Variants in EDIL3 observed in about 807,000 individuals in gnomAD.
EDIL3 encodes the protein EGF-like repeat and discoidin I-like domain-containing protein 3.
A neutral mutation model predicts 67.4 loss-of-function variants in EDIL3; 37 were observed. The observed-to-expected ratio is 0.55, with a 90% CI of 0.42 to 0.72. The LOEUF (loss-of-function observed/expected upper bound fraction) is 0.72, where lower values mean the gene tolerates loss of function less well. EDIL3 is among the 30% of genes least tolerant of loss of function. The pLI, the probability that EDIL3 is intolerant of heterozygous loss-of-function variation, is 0.00. For synonymous variants in EDIL3, 195 were observed against 196.3 expected (o/e 0.99, Z 0.05); for missense variants, 527 against 586.3 (o/e 0.90, Z 1.04).
chr5:83,971,890 T>C (rs1383704509), intron 9 of EDIL3, among the ~76,000 whole-genome samples: 1 of 152,142 alleles, frequency 6.6e-6, no homozygotes, highest in East Asian at 1.9e-4. Flanking sequence ...CCTCTGAATA[T>C]AGAAAAGTTA....
At chr5:84,103,246 A>T (rs554670775) in intron 6 of EDIL3, among the ~76,000 whole-genome samples, 1 of 152,066 alleles carries the variant, frequency 6.6e-6, no homozygotes, top group Non-Finnish European at 1.5e-5. Context: ...TTAAATGTAA[A>T]ATCCAAAGCT....
intron 1 of EDIL3, among the ~76,000 whole-genome samples, chr5:84,296,734 T>G (rs1746058406): frequency 6.6e-6 from 1 of 152,178 alleles, no homozygotes. Flanking sequence ...ATCTCTGCCA[T>G]GCCTATGTCC....
intron 1 of EDIL3, among the ~76,000 whole-genome samples, chr5:84,380,456 G>A (rs1399818483): frequency 6.6e-6 from 1 of 152,034 alleles, no homozygotes; most frequent in African/African-American, 2.4e-5. Flanking sequence ...TTTTTACTCA[G>A]TATCCAAATG....
At position 84,180,387 on chromosome 5, in the gene EDIL3, A is replaced by T. The variant is rs772156704; in HGVS notation, c.355+6T>A. On this transcript the variant is annotated splice_donor_region_variant and intron_variant, in intron 4 of 10. Coordinates refer to ENST00000296591, the MANE Select transcript of EDIL3 (RefSeq NM_005711.5). ...AATAAAAGTACAATGACTATGAATA[A>T]CTTACTGTGCTGACAGTGAATCCCA... The T allele has an allele frequency of 1.3e-6, 2 of 1,581,930 alleles. No homozygotes were observed. The highest frequency in any genetic ancestry group is 1.9e-5 in the Admixed American group (1 of 53,076).
chr5:84,001,557 A>G (rs1029435661), intron 9 of EDIL3, among the ~76,000 whole-genome samples: 4 of 151,650 alleles, frequency 2.6e-5, no homozygotes, highest in African/African-American at 9.7e-5. Context: ...CCCACTGCCA[A>G]AAAAAAAGAG....
intron 3 of EDIL3, among the ~76,000 whole-genome samples, chr5:84,222,881 C>A (rs555108038): frequency 1.2e-3 from 182 of 151,840 alleles, no homozygotes; most frequent in African/African-American, 4.1e-3. Context: ...GGATATTAAT[C>A]CCTTACAAGA....
intron 1 of EDIL3, among the ~76,000 whole-genome samples, chr5:84,341,739 T>C (rs1056814982): frequency 6.6e-6 from 1 of 152,074 alleles, no homozygotes; most frequent in Admixed American, 6.6e-5. Flanking sequence ...CTTTAACTCA[T>C]AGTGGAGGAG....
At chr5:84,066,731 T>G (rs1028468367) in intron 6 of EDIL3, 125 bp from the exon 7 acceptor site, 176 of 1,261,008 alleles carry the variant, frequency 1.4e-4, no homozygotes, top group Non-Finnish European at 1.8e-4. Flanking sequence ...CTAATAATTT[T>G]CATGGATAAA....
intron 2 of EDIL3, among the ~76,000 whole-genome samples, chr5:84,252,706 GTA>G (rs2112074567): frequency 6.6e-6 from 1 of 151,868 alleles, no homozygotes; most frequent in South Asian, 2.1e-4. Flanking sequence ...TCTACTAGGG[GTA>G]TTTATGACTC....
intron 3 of EDIL3, among the ~76,000 whole-genome samples, chr5:84,212,876 T>C (rs1458106704): frequency 6.6e-6 from 1 of 152,078 alleles, no homozygotes; most frequent in Non-Finnish European, 1.5e-5. Context: ...TCATTGGTTC[T>C]CTCATTTCCA....
chr5:84,308,884 T>C (rs1022110073), intron 1 of EDIL3, among the ~76,000 whole-genome samples: 5 of 152,212 alleles, frequency 3.3e-5, no homozygotes, highest in African/African-American at 1.2e-4. Flanking sequence ...AATGCAACCT[T>C]ATGATCACGG....
chr5:84,073,112 T>C (rs996594288), intron 6 of EDIL3, among the ~76,000 whole-genome samples: 5 of 152,250 alleles, frequency 3.3e-5, no homozygotes, highest in African/African-American at 4.8e-5. Context: ...ATTATCTCAA[T>C]AGATGCAGAA....
At chr5:84,154,886 G>C (rs1043334554) in intron 4 of EDIL3, among the ~76,000 whole-genome samples, 2 of 151,882 alleles carry the variant, frequency 1.3e-5, no homozygotes, top group Non-Finnish European at 2.9e-5. Context: ...TTTTAGAAGA[G>C]ACGGAGTTTC....
chr5:84,254,748 T>G (rs951517982), intron 1 of EDIL3, among the ~76,000 whole-genome samples: 13 of 152,156 alleles, frequency 8.5e-5, no homozygotes, highest in African/African-American at 3.1e-4. Flanking sequence ...GAGATCGTCA[T>G]GTGAATGAAT....
intron 4 of EDIL3, among the ~76,000 whole-genome samples, chr5:84,168,694 T>G (rs1748756521): frequency 1.3e-5 from 2 of 152,226 alleles, no homozygotes; most frequent in Non-Finnish European, 2.9e-5. Flanking sequence ...ATTTTTCATA[T>G]ACGAACATTG....
intron 4 of EDIL3, among the ~76,000 whole-genome samples, chr5:84,150,632 G>C (rs899958639): frequency 7.2e-5 from 11 of 152,182 alleles, no homozygotes; most frequent in African/African-American, 2.7e-4. Context: ...AAAAGATGGT[G>C]TTGGTGAGGA....
intron 9 of EDIL3, among the ~76,000 whole-genome samples, chr5:83,985,446 A>G (rs564750496): frequency 3.9e-5 from 6 of 152,218 alleles, no homozygotes; most frequent in African/African-American, 1.4e-4. Context: ...TTTTGGTGAC[A>G]GAATTTAATT....
At chr5:84,090,304 C>G in intron 6 of EDIL3, among the ~76,000 whole-genome samples, 1 of 152,322 alleles carries the variant, frequency 6.6e-6, no homozygotes, top group East Asian at 1.9e-4. Context: ...ATGTTTCACA[C>G]TGATGTCTCA....
chr5:84,153,382 C>T (rs192153919), intron 4 of EDIL3, among the ~76,000 whole-genome samples: 12 of 152,194 alleles, frequency 7.9e-5, no homozygotes, highest in South Asian at 6.2e-4. Context: ...TTGCAACCTC[C>T]GCCTCCCAGG....
Sources: allele counts gnomAD v4.1 joint callset (sites outside exome capture counted in the v4.1 genomes callset), GRCh38; gene constraint gnomAD v4.1.1; transcripts MANE v1.5; gene names NCBI Gene and HGNC (gene_info 2026-07-23, HGNC 2026-07-21).